Variants in ST3GAL3 observed in about 807,000 individuals in gnomAD.
ST3GAL3 encodes the protein ST3 beta-galactoside alpha-2,3-sialyltransferase 3, also known as CMP-N-acetylneuraminate-beta-1,4-galactoside alpha-2,3-sialyltransferase.
Under a neutral mutation model 50.1 loss-of-function variants are expected in ST3GAL3, and 21 were observed. That is an observed-to-expected ratio of 0.42 (90% confidence interval 0.30 to 0.60). The LOEUF is 0.60. Ranked by LOEUF, ST3GAL3 falls within the 20% of genes least tolerant of loss-of-function variation. ST3GAL3 has a pLI of 0.19. For missense variants in ST3GAL3, 353 were observed against 489.4 expected (o/e 0.72, Z 2.63); for synonymous variants, 183 against 190.0 (o/e 0.96, Z 0.30).
chr1:43,822,840 T>G (rs1390978477), intron 4 of ST3GAL3, among the ~76,000 whole-genome samples: 3 of 152,172 alleles, frequency 2.0e-5, no homozygotes, highest in African/African-American at 7.2e-5. Context: ...ACCCAATTGC[T>G]TCCTTCATTT....
chr1:43,746,791 C>T (rs1683905853), intron 2 of ST3GAL3, among the ~76,000 whole-genome samples: 1 of 129,592 alleles, frequency 7.7e-6, no homozygotes, highest in Admixed American at 8.4e-5. Flanking sequence ...TGAGACAAGT[C>T]TCACTCTGTC....
rs571383192 is a variant in ST3GAL3, at chr1:43,808,445, T to C, written c.167-6446T>C. Among the ~76,000 whole-genome samples, 205 of 150,434 alleles carry C rather than the reference T, an allele frequency of 1.4e-3. 1 individual carries two copies. Among genetic ancestry groups the C allele is most frequent in the African/African-American group, 4.8e-3 (198 of 40,860 alleles). On this transcript the variant is annotated intron_variant, in intron 3 of 11. Coordinates refer to ENST00000347631, the MANE Select transcript of ST3GAL3 (RefSeq NM_006279.5). ...AGGTCTAGACTGAATGAAGGAAAAG[T>C]GAAGAAAGGAGAAACGACTGAGAAA...
chr1:43,831,458 G>T (rs1034120201), intron 4 of ST3GAL3, among the ~76,000 whole-genome samples: 3 of 152,176 alleles, frequency 2.0e-5, no homozygotes, highest in Non-Finnish European at 4.4e-5. Context: ...AATTCCTTTT[G>T]CTACCCAGAC....
chr1:43,713,310 G>A (rs1665691350), intron 1 of ST3GAL3, among the ~76,000 whole-genome samples: 1 of 152,170 alleles, frequency 6.6e-6, no homozygotes, highest in South Asian at 2.1e-4. Context: ...TTTGGAAAAT[G>A]AGGACAAAAA....
intron 3 of ST3GAL3, among the ~76,000 whole-genome samples, chr1:43,805,225 C>T (rs1450570045): frequency 6.6e-6 from 1 of 152,196 alleles, no homozygotes; most frequent in Non-Finnish European, 1.5e-5. Flanking sequence ...ATCTAGGTTG[C>T]AGGAACAAGT....
At chr1:43,851,788 C>T (rs963928989) in intron 5 of ST3GAL3, among the ~76,000 whole-genome samples, 7 of 152,140 alleles carry the variant, frequency 4.6e-5, no homozygotes, top group Non-Finnish European at 1.0e-4. Context: ...TAGCCTCAGT[C>T]CCACGCCGCC....
At chr1:43,763,021 T>C (rs2154123188) in intron 2 of ST3GAL3, among the ~76,000 whole-genome samples, 1 of 152,334 alleles carries the variant, frequency 6.6e-6, no homozygotes, top group South Asian at 2.1e-4. Flanking sequence ...TTTCCACTTC[T>C]AGGAATTCCC....
chr1:43,894,313 G>C (rs1019029149), intron 5 of ST3GAL3, 70 bp from the exon 6 acceptor site: 3 of 1,481,850 alleles, frequency 2.0e-6, no homozygotes, highest in South Asian at 1.1e-5. Flanking sequence ...CAAGACCGAC[G>C]TACGGAAGTG....
At chr1:43,718,185 C>CTTTTTTTTTTTT (rs57506461) in intron 1 of ST3GAL3, among the ~76,000 whole-genome samples, 1 of 83,378 alleles carries the variant, frequency 1.2e-5, no homozygotes, top group Non-Finnish European at 2.2e-5. Context: ...ATCATTAAAT[C>CTTTTTTTTTTTT]TTTTTTTTTT....
chr1:43,801,708 C>CT (rs1558359728), intron 3 of ST3GAL3: 1 of 172,996 alleles, frequency 5.8e-6, no homozygotes, highest in Non-Finnish European at 1.3e-5. Flanking sequence ...AATCCCAGCA[C>CT]TTTGGGAGGC....
chr1:43,744,906 G>A lies in ST3GAL3; in HGVS notation c.118+8526G>A, dbSNP rs148683135. On this transcript the variant is annotated intron_variant, in intron 2 of 11. Coordinates refer to ENST00000347631, the MANE Select transcript of ST3GAL3 (RefSeq NM_006279.5). ...CTTGGGAGGCTGAGGCCTGAGAATC[G>A]CTTGAACTCGGGAGACAGAGGTTGC... 7.5e-3 allele frequency among the ~76,000 whole-genome samples: 1,143 copies of A among 151,778 alleles called. 21 individuals carry two copies. The highest frequency in any genetic ancestry group is 0.026 in the African/African-American group (1,085 of 41,404).
chr1:43,904,583 G>A (rs940711093), intron 9 of ST3GAL3, among the ~76,000 whole-genome samples: 2 of 151,878 alleles, frequency 1.3e-5, no homozygotes, highest in Non-Finnish European at 2.9e-5. Context: ...AAATGCTCAA[G>A]AATGGGGACT....
chr1:43,893,695 C>G (rs542488397), intron 5 of ST3GAL3, among the ~76,000 whole-genome samples: 14 of 152,278 alleles, frequency 9.2e-5, no homozygotes, highest in Admixed American at 7.2e-4. Context: ...CAGATCAACC[C>G]TTCCCCTGAA....
At chr1:43,765,113 T>C (rs750037482) in intron 2 of ST3GAL3, among the ~76,000 whole-genome samples, 2 of 152,218 alleles carry the variant, frequency 1.3e-5, no homozygotes, top group Non-Finnish European at 2.9e-5. Flanking sequence ...TTTAACACAA[T>C]AAAGGTTATT....
chr1:43,760,683 G>A (rs1296489850), intron 2 of ST3GAL3, among the ~76,000 whole-genome samples: 3 of 152,156 alleles, frequency 2.0e-5, no homozygotes, highest in Non-Finnish European at 2.9e-5. Context: ...TTGAACTCGG[G>A]AGGTGGAGGT....
chr1:43,916,372 T>G (rs1308664603), intron 9 of ST3GAL3, among the ~76,000 whole-genome samples: 1 of 152,094 alleles, frequency 6.6e-6, no homozygotes, highest in Non-Finnish European at 1.5e-5. Flanking sequence ...TCTAAGCAGA[T>G]AGACTCGAAC....
intron 1 of ST3GAL3, among the ~76,000 whole-genome samples, chr1:43,716,175 A>G (rs1667283616): frequency 6.6e-6 from 1 of 152,164 alleles, no homozygotes; most frequent in Non-Finnish European, 1.5e-5. Context: ...AACCACAATT[A>G]TTTTTGCACC....
chr1:43,904,401 T>C (rs2078795439), intron 9 of ST3GAL3, among the ~76,000 whole-genome samples: 1 of 151,930 alleles, frequency 6.6e-6, no homozygotes, highest in Non-Finnish European at 1.5e-5. Flanking sequence ...AGCCCAGGCT[T>C]CTCACCAAGC....
At position 43,803,981 on chromosome 1, in the gene ST3GAL3, T is replaced by C. The variant is rs145552614; in HGVS notation, c.167-10910T>C. Among the ~76,000 whole-genome samples, 837 of 152,318 alleles carry C rather than the reference T, an allele frequency of 5.5e-3. 3 individuals are homozygous for C. The highest frequency in any genetic ancestry group is 0.031 in the Middle Eastern group (9 of 294). ...CATCAGACTAAACACTTCTGCTGGC[T>C]TTCTGCTTTCATACCTGGGGAGGAG... On this transcript the variant is annotated intron_variant, in intron 3 of 11. Transcript: ENST00000347631.
Sources: gnomAD v4.1 joint callset for allele counts (sites outside exome capture counted in the v4.1 genomes callset) on GRCh38, gnomAD v4.1.1 for gene constraint, MANE v1.5 for transcripts, NCBI Gene and HGNC (gene_info 2026-07-23, HGNC 2026-07-21) for gene names.